The following INPP4B variants were observed in gnomAD, a reference collection of about 807,000 sequenced individuals.
The protein encoded by INPP4B is inositol polyphosphate 4-phosphatase type II.
A neutral mutation model predicts 122.5 loss-of-function variants in INPP4B; 55 were observed. The observed-to-expected ratio is 0.45, with a 90% CI of 0.36 to 0.56. The LOEUF (loss-of-function observed/expected upper bound fraction) is 0.56, where lower values mean the gene tolerates loss of function less well. INPP4B is among the 20% of genes least tolerant of loss of function. The pLI is 0.00. For synonymous variants in INPP4B, 403 were observed against 388.7 expected (o/e 1.04, Z -0.43); for missense variants, 1,000 against 1,097.7 (o/e 0.91, Z 1.26).
chr4:142,708,485 C>G (rs1762719025), intron 2 of INPP4B, among the ~76,000 whole-genome samples: 1 of 152,138 alleles, frequency 6.6e-6, no homozygotes, highest in Non-Finnish European at 1.5e-5. Context: ...GCCCTGCTGC[C>G]CTGTGCAACC....
chr4:142,330,977 T>C (rs969703150), intron 7 of INPP4B, among the ~76,000 whole-genome samples: 1 of 152,190 alleles, frequency 6.6e-6, no homozygotes, highest in Non-Finnish European at 1.5e-5. Flanking sequence ...AGTTGTACTT[T>C]CATTTTTTTC....
rs377644657 is a variant in INPP4B at position 142,157,389 on chromosome 4, G to A, written c.1563+2969C>T. 5.3e-5 allele frequency among the ~76,000 whole-genome samples: 8 copies of A among 152,150 alleles called. No homozygotes were observed. The East Asian group carries it at 1.4e-3, about 26-fold the overall frequency. On this transcript the variant is annotated intron_variant, in intron 17 of 25. Transcript: ENST00000262992. ...AAAATGTTATATACCAAACAAACTC[G>A]GTTCTTGTTTGCAAAAAGAGTAAAA...
At chr4:142,283,629 T>C (rs1752204887) in intron 9 of INPP4B, among the ~76,000 whole-genome samples, 1 of 152,144 alleles carries the variant, frequency 6.6e-6, no homozygotes, top group Non-Finnish European at 1.5e-5. Flanking sequence ...TGGGCAATTA[T>C]AACACAATGG....
At chr4:142,837,149 A>G (rs1782891309) in intron 1 of INPP4B, among the ~76,000 whole-genome samples, 2 of 150,168 alleles carry the variant, frequency 1.3e-5, no homozygotes, top group African/African-American at 5.0e-5. Flanking sequence ...AGAGGGAAAC[A>G]CAGTCTCAAA....
chr4:142,111,433 G>A (rs12511892), intron 22 of INPP4B, among the ~76,000 whole-genome samples: 18,969 of 151,168 alleles, frequency 0.13, 1,329 homozygotes, highest in East Asian at 0.24. Flanking sequence ...CGCAACCTCT[G>A]CCTCCCCAGT....
At chr4:142,479,233 G>A (rs559938997) in intron 2 of INPP4B, among the ~76,000 whole-genome samples, 16 of 152,170 alleles carry the variant, frequency 1.1e-4, no homozygotes, top group Non-Finnish European at 1.6e-4. Context: ...ATCATTAATT[G>A]TTAGAAAAAT....
rs553375757 is a variant in INPP4B at position 142,451,968 on chromosome 4, T to C, written c.-127+10695A>G. 6.6e-5 allele frequency among the ~76,000 whole-genome samples: 10 copies of C among 152,212 alleles called. No individual in the cohort carries two copies. In the South Asian group the frequency reaches 2.1e-3, roughly 32 times the overall value. ...GTGCCCAACGTGCAGGTCTGATACATAGGTATACATGTGCCATGTTGGTTT... is the reference window on the plus strand; with the variant it reads ...GTGCCCAACGTGCAGGTCTGATACACAGGTATACATGTGCCATGTTGGTTT... On this transcript the variant is annotated intron_variant, in intron 3 of 25. Coordinates refer to ENST00000262992, the MANE Select transcript of INPP4B (RefSeq NM_001101669.3).
chr4:142,648,927 G>A (rs1316750533), intron 2 of INPP4B, among the ~76,000 whole-genome samples: 1 of 152,178 alleles, frequency 6.6e-6, no homozygotes, highest in African/African-American at 2.4e-5. Context: ...AGCCAAATGG[G>A]GAGATACCTC....
chr4:142,243,519 T>C (rs981239576), intron 11 of INPP4B, among the ~76,000 whole-genome samples: 2 of 152,204 alleles, frequency 1.3e-5, no homozygotes, highest in African/African-American at 4.8e-5. Flanking sequence ...AGGGCCAATG[T>C]TATAAGCCAA....
intron 2 of INPP4B, among the ~76,000 whole-genome samples, chr4:142,633,677 T>A (rs1748478409): frequency 6.6e-6 from 1 of 151,836 alleles, no homozygotes; most frequent in African/African-American, 2.4e-5. Flanking sequence ...AAATAAAATT[T>A]AGAAAGTAAA....
chr4:142,569,804 G>A (rs187094783), intron 2 of INPP4B, among the ~76,000 whole-genome samples: 103 of 152,156 alleles, frequency 6.8e-4, no homozygotes, highest in African/African-American at 2.2e-3. Flanking sequence ...AAAAATGAAG[G>A]ATGCTTTCCT....
intron 2 of INPP4B, among the ~76,000 whole-genome samples, chr4:142,503,508 T>A (rs1316685495): frequency 1.3e-5 from 2 of 152,126 alleles, no homozygotes; most frequent in Non-Finnish European, 2.9e-5. Flanking sequence ...GTATTGTAAG[T>A]TATTAAACAA....
chr4:142,028,524 T>G lies in INPP4B; in HGVS notation c.*258A>C, dbSNP rs561776901. 1.5e-3 allele frequency: 657 copies of G among 424,654 alleles called. 2 individuals carry two copies. The highest frequency in any genetic ancestry group is 1.8e-3 in the Non-Finnish European group (441 of 238,686). 26.3% of individuals were successfully genotyped at this position (424,654 alleles called of 1,614,324 possible). On this transcript the variant is annotated 3_prime_UTR_variant, in exon 26 of 26. Coordinates refer to ENST00000262992, the MANE Select transcript of INPP4B (RefSeq NM_001101669.3). ...ATGAAATTTACACTTTGTGAACCAA[T>G]CTCAATCAGCTAGGCTCAACACATA...
intron 2 of INPP4B, among the ~76,000 whole-genome samples, chr4:142,585,276 G>A (rs1735922974): frequency 1.3e-5 from 2 of 152,150 alleles, no homozygotes; most frequent in Non-Finnish European, 2.9e-5. Context: ...TTGTTTTTTA[G>A]TTATTTAATA....
At chr4:142,767,085 C>T (rs753526251) in intron 1 of INPP4B, among the ~76,000 whole-genome samples, 2 of 152,168 alleles carry the variant, frequency 1.3e-5, no homozygotes, top group Admixed American at 6.6e-5. Flanking sequence ...ATAATCTAAA[C>T]GCTCATTCCA....
intron 14 of INPP4B, among the ~76,000 whole-genome samples, chr4:142,201,632 C>A (rs1357906207): frequency 1.3e-5 from 2 of 151,688 alleles, no homozygotes; most frequent in Non-Finnish European, 2.9e-5. Flanking sequence ...TTAGCTGGGG[C>A]AGTTGTATTC....
chr4:142,604,954 C>T (rs142905943), intron 2 of INPP4B, among the ~76,000 whole-genome samples: 1 of 152,168 alleles, frequency 6.6e-6, no homozygotes, highest in African/African-American at 2.4e-5. Flanking sequence ...CATCACACTA[C>T]CTAATTTCAA....
intron 7 of INPP4B, among the ~76,000 whole-genome samples, chr4:142,385,488 T>G (rs72941201): frequency 0.013 from 1,939 of 152,252 alleles, 36 homozygotes; most frequent in African/African-American, 0.045. Flanking sequence ...AGTGATTAGT[T>G]ATAACAACTT....
chr4:142,360,418 T>C (rs1052750475), intron 7 of INPP4B, among the ~76,000 whole-genome samples: 1 of 151,962 alleles, frequency 6.6e-6, no homozygotes, highest in Non-Finnish European at 1.5e-5. Flanking sequence ...ATGTTAACAG[T>C]CAAGGTGGTT....
Sources: allele counts gnomAD v4.1 joint callset (sites outside exome capture counted in the v4.1 genomes callset), GRCh38; gene constraint gnomAD v4.1.1; transcripts MANE v1.5; gene names NCBI Gene and HGNC (gene_info 2026-07-23, HGNC 2026-07-21).